CAMTA1: variants seen among roughly 807,000 people sequenced by gnomAD.
CAMTA1 encodes calmodulin-binding transcription activator 1.
A neutral mutation model predicts 170.9 loss-of-function variants in CAMTA1; 27 were observed. The observed-to-expected ratio is 0.16, with a 90% confidence interval of 0.12 to 0.22. The LOEUF (loss-of-function observed/expected upper bound fraction) is 0.22. Ranked by LOEUF, CAMTA1 falls within the 10% of genes least tolerant of loss-of-function variation. The pLI, the probability that CAMTA1 is intolerant of heterozygous loss-of-function variation, is 1.00. For missense variants in CAMTA1, 1,619 were observed against 2,217.2 expected (o/e 0.73, Z 5.42); for synonymous variants, 833 against 891.5 (o/e 0.93, Z 1.17).
chr1:7,596,573 G>C (rs773068907), intron 6 of CAMTA1, among the ~76,000 whole-genome samples: 4 of 152,194 alleles, frequency 2.6e-5, no homozygotes, highest in Non-Finnish European at 5.9e-5. Context: ...CACAAGGCCT[G>C]CTCCCACCCA....
intron 5 of CAMTA1, chr1:7,382,733 A>G (rs561000475): frequency 3.9e-5 from 6 of 152,300 alleles, no homozygotes; most frequent in Non-Finnish European, 7.4e-5. Context: ...CCTGCAGGCA[A>G]AAGAATAAAA....
At chr1:6,968,424 C>G (rs1428791480) in intron 3 of CAMTA1, among the ~76,000 whole-genome samples, 1 of 152,218 alleles carries the variant, frequency 6.6e-6, no homozygotes, top group Admixed American at 6.5e-5. Flanking sequence ...CGCTCCCTGC[C>G]TTGTATATGG....
At chr1:6,892,124 A>G (rs1328315239) in intron 3 of CAMTA1, among the ~76,000 whole-genome samples, 1 of 152,248 alleles carries the variant, frequency 6.6e-6, no homozygotes, top group African/African-American at 2.4e-5. Flanking sequence ...TTATGCATTC[A>G]TATACATAAT....
chr1:7,451,848 G>T (rs895538131), intron 5 of CAMTA1, among the ~76,000 whole-genome samples: 7 of 152,172 alleles, frequency 4.6e-5, no homozygotes, highest in African/African-American at 1.7e-4. Context: ...ACACACCATT[G>T]TCCAGTAGCT....
At chr1:7,632,486 G>T (rs1328563296) in intron 6 of CAMTA1, among the ~76,000 whole-genome samples, 2 of 152,252 alleles carry the variant, frequency 1.3e-5, no homozygotes, top group Non-Finnish European at 1.5e-5. Context: ...CTGATTTATT[G>T]ACCACTTAGC....
intron 4 of CAMTA1, among the ~76,000 whole-genome samples, chr1:7,238,525 C>G (rs1029006211): frequency 2.0e-5 from 3 of 152,236 alleles, no homozygotes; most frequent in Non-Finnish European, 4.4e-5. Flanking sequence ...ATGGCTCCTT[C>G]CCAGGGCTCC....
chr1:7,644,217 G>A (rs566001989), intron 7 of CAMTA1, among the ~76,000 whole-genome samples: 1 of 152,272 alleles, frequency 6.6e-6, no homozygotes, highest in Non-Finnish European at 1.5e-5. Flanking sequence ...GGCTGATTCA[G>A]AGAATCCCAT....
At position 7,249,453 on chromosome 1, in the gene CAMTA1, T is replaced by G. The variant is rs1001420817; in HGVS notation, c.303-38T>G. 1.1e-5 allele frequency: 17 copies of G among 1,585,516 alleles called. No individual in the cohort carries two copies. In the Admixed American group the frequency reaches 2.5e-4, roughly 23 times the overall value. On this transcript the variant is annotated intron_variant, in intron 4 of 22. Coordinates refer to ENST00000303635, the MANE Select transcript of CAMTA1 (RefSeq NM_015215.4). The surrounding 1 kb of genome is among the most constrained non-coding windows in gnomAD (Gnocchi z 4.4). ...CTTTCTTCATAAATTTTTCTTCTAC[T>G]TGGTACTCTTGGTAACTTAACCATT...
intron 6 of CAMTA1, among the ~76,000 whole-genome samples, chr1:7,498,457 A>G (rs2093880757): frequency 6.7e-6 from 1 of 149,192 alleles, no homozygotes; most frequent in South Asian, 2.1e-4. Context: ...GTGAATGTGC[A>G]TGACAGTGTG....
chr1:7,157,715 A>G (rs1481687817), intron 4 of CAMTA1, among the ~76,000 whole-genome samples: 4 of 152,210 alleles, frequency 2.6e-5, no homozygotes, highest in African/African-American at 9.6e-5. Flanking sequence ...AAATGAAAAC[A>G]TATGTTCACA....
chr1:7,644,121 G>A (rs981840477), intron 7 of CAMTA1, among the ~76,000 whole-genome samples: 3 of 152,140 alleles, frequency 2.0e-5, no homozygotes, highest in Non-Finnish European at 2.9e-5. Context: ...GTGCTCCCCA[G>A]GGCTGAAGGG....
chr1:7,360,722 A>G (rs2085477353), intron 5 of CAMTA1, among the ~76,000 whole-genome samples: 1 of 152,156 alleles, frequency 6.6e-6, no homozygotes, highest in Non-Finnish European at 1.5e-5. Flanking sequence ...GGCCTGGCAG[A>G]GTGAGCAGGC....
chr1:7,723,189 A>G (rs1228021033), intron 11 of CAMTA1, among the ~76,000 whole-genome samples: 5 of 152,208 alleles, frequency 3.3e-5, no homozygotes, highest in Admixed American at 6.5e-5. Flanking sequence ...GGACAGTTCT[A>G]GGATTGGCAC....
At chr1:6,906,526 G>A (rs1255766961) in intron 3 of CAMTA1, among the ~76,000 whole-genome samples, 3 of 152,156 alleles carry the variant, frequency 2.0e-5, no homozygotes, top group African/African-American at 7.2e-5. Context: ...AGGCAATGGC[G>A]GGAGATGTGC....
intron 6 of CAMTA1, among the ~76,000 whole-genome samples, chr1:7,501,050 C>G (rs749845158): frequency 6.6e-6 from 1 of 152,158 alleles, no homozygotes; most frequent in African/African-American, 2.4e-5. Context: ...AGCACAGATC[C>G]TCGGAAGCGG....
chr1:7,735,126 G>C (rs1413952901), intron 12 of CAMTA1, among the ~76,000 whole-genome samples: 1 of 152,070 alleles, frequency 6.6e-6, no homozygotes, highest in African/African-American at 2.4e-5. Flanking sequence ...TTTACATAAA[G>C]GACTGGATTA....
intron 4 of CAMTA1, among the ~76,000 whole-genome samples, chr1:7,131,522 CTTT>C (rs58819912): frequency 7.9e-6 from 1 of 126,686 alleles, no homozygotes. Context: ...ATCGTCTTTT[CTTT>C]TTTTTTTTTT....
At position 7,041,704 on chromosome 1, in the gene CAMTA1, T is replaced by G. The variant is rs1307680637; in HGVS notation, c.235-49600T>G. On this transcript the variant is annotated intron_variant, in intron 3 of 22. Transcript: ENST00000303635. The surrounding 1 kb of genome is among the most constrained non-coding windows in gnomAD (Gnocchi z 5.1). ...GGCAGAAAGGTTTGCTGACGTCTCC[T>G]CGTAGATAAAGGAAAATTGAGACGA... 1.3e-5 allele frequency among the ~76,000 whole-genome samples: 2 copies of G among 152,246 alleles called. No homozygotes were observed. Among genetic ancestry groups the G allele is most frequent in the Admixed American group, 1.3e-4 (2 of 15,288 alleles).
At chr1:6,905,852 G>T (rs1296765725) in intron 3 of CAMTA1, among the ~76,000 whole-genome samples, 1 of 152,184 alleles carries the variant, frequency 6.6e-6, no homozygotes, top group Non-Finnish European at 1.5e-5. Context: ...TCGGTGCAGG[G>T]TTGCCAGAGT....
Sources: gnomAD v4.1 joint callset for allele counts (sites outside exome capture counted in the v4.1 genomes callset) on GRCh38, gnomAD v4.1.1 for gene constraint, Gnocchi (gnomAD v3.1) non-coding constraint, MANE v1.5 for transcripts, NCBI Gene and HGNC (gene_info 2026-07-23, HGNC 2026-07-21) for gene names.